The following RERG variants were observed in gnomAD, a reference collection of about 807,000 sequenced individuals.
The protein encoded by RERG is ras-related and estrogen-regulated growth inhibitor.
Under a neutral mutation model 23.2 loss-of-function variants are expected in RERG, and 25 were observed. The observed-to-expected ratio is 1.08, with a 90% confidence interval of 0.79 to 1.50. The LOEUF is 1.50. Among genes scored for constraint, RERG ranks in the 40% most tolerant of loss-of-function variants. The pLI, the probability that RERG is intolerant of heterozygous loss-of-function variation, is 0.00. For synonymous variants in RERG, 81 were observed against 89.1 expected, an observed-to-expected ratio of 0.91 and a Z score of 0.51; for missense variants, 253 against 250.1, an observed-to-expected ratio of 1.01 and a Z score of -0.08.
At chr12:15,111,215 GTTAA>G (rs1394989862) in intron 4 of RERG, 125 bp downstream of exon 4, 5 of 639,390 alleles carry the variant, frequency 7.8e-6, no homozygotes, top group Non-Finnish European at 1.4e-5. Flanking sequence ...AAAATGGCTA[GTTAA>G]TTAGAGAAAA....
At chr12:15,120,847 C>T (rs1470579766) in intron 3 of RERG, among the ~76,000 whole-genome samples, 1 of 152,070 alleles carries the variant, frequency 6.6e-6, no homozygotes, top group Non-Finnish European at 1.5e-5. Flanking sequence ...GAGGCTTGAC[C>T]TAATTTCTTC....
chr12:15,186,986 A>G (rs1865001706), intron 2 of RERG, among the ~76,000 whole-genome samples: 2 of 152,192 alleles, frequency 1.3e-5, no homozygotes, highest in Non-Finnish European at 2.9e-5. Context: ...TTAGAAAAAA[A>G]TTAACATGGG....
intron 2 of RERG, among the ~76,000 whole-genome samples, chr12:15,136,897 T>C (rs1864152698): frequency 6.6e-6 from 1 of 151,996 alleles, no homozygotes. Context: ...AAGTAGCCTA[T>C]AGATGTCAGT....
In RERG at chr12:15,146,129, G is replaced by C. The variant is rs192535037; in HGVS notation, c.62-25010C>G. Among the ~76,000 whole-genome samples, 117 of 152,198 alleles carry C rather than the reference G, an allele frequency of 7.7e-4. 1 individual carries two copies. The highest frequency in any genetic ancestry group is 9.7e-4 in the East Asian group (5 of 5,168). Reference sequence around the variant, plus strand: ...TAACGCTTTTTGAGTCTTAACACTTGATAAAATGAAATGCCTTACAAGACT... The same window carrying C: ...TAACGCTTTTTGAGTCTTAACACTTCATAAAATGAAATGCCTTACAAGACT... On this transcript the variant is annotated intron_variant, in intron 2 of 4. Transcript: ENST00000256953.
At chr12:15,202,373 T>C (rs964659335) in intron 2 of RERG, among the ~76,000 whole-genome samples, 2 of 151,788 alleles carry the variant, frequency 1.3e-5, no homozygotes, top group Admixed American at 6.6e-5. Context: ...TAAAGGCACT[T>C]TGTTGTAAAG....
At chr12:15,167,103 C>A (rs1323116017) in intron 2 of RERG, among the ~76,000 whole-genome samples, 1 of 152,092 alleles carries the variant, frequency 6.6e-6, no homozygotes, top group Non-Finnish European at 1.5e-5. Flanking sequence ...ATTTTCTTAC[C>A]AAGTATAGGG....
chr12:15,168,482 A>T (rs1864728626), intron 2 of RERG, among the ~76,000 whole-genome samples: 1 of 152,222 alleles, frequency 6.6e-6, no homozygotes, highest in African/African-American at 2.4e-5. Context: ...TGATGATCAA[A>T]ATCAAAATGA....
chr12:15,194,298 T>C (rs1158820021), intron 2 of RERG, among the ~76,000 whole-genome samples: 1 of 152,104 alleles, frequency 6.6e-6, no homozygotes, highest in Non-Finnish European at 1.5e-5. Flanking sequence ...GCAAGACATA[T>C]TTAAGTATAA....
intron 2 of RERG, among the ~76,000 whole-genome samples, chr12:15,199,682 C>A (rs1262072469): frequency 6.6e-6 from 1 of 152,082 alleles, no homozygotes; most frequent in African/African-American, 2.4e-5. Flanking sequence ...TACAGACACA[C>A]ACACACACTC....
intron 3 of RERG, among the ~76,000 whole-genome samples, chr12:15,115,400 C>A (rs931846948): frequency 1.3e-5 from 2 of 151,992 alleles, no homozygotes; most frequent in African/African-American, 4.8e-5. Context: ...GGAGTTCAGG[C>A]TTGTAAATAC....
At chr12:15,155,695 T>C (rs900978449) in intron 2 of RERG, among the ~76,000 whole-genome samples, 2 of 152,118 alleles carry the variant, frequency 1.3e-5, no homozygotes, top group African/African-American at 4.8e-5. Flanking sequence ...ACAGCCTTTC[T>C]CTACTCCTGG....
intron 2 of RERG, among the ~76,000 whole-genome samples, chr12:15,195,578 T>C (rs938963111): frequency 1.6e-5 from 2 of 128,572 alleles, no homozygotes; most frequent in Admixed American, 7.9e-5. Context: ...TGTGTGTGTG[T>C]GTGTGTGTGT....
At chr12:15,122,879 A>G (rs557569802) in intron 2 of RERG, among the ~76,000 whole-genome samples, 32 of 150,712 alleles carry the variant, frequency 2.1e-4, no homozygotes, top group Admixed American at 2.0e-3. Context: ...GCTCACTGCA[A>G]TCTCCACCTT....
intron 2 of RERG, among the ~76,000 whole-genome samples, chr12:15,150,609 C>A (rs1345034779): frequency 6.6e-6 from 1 of 152,076 alleles, no homozygotes; most frequent in Non-Finnish European, 1.5e-5. Context: ...CTCCAAAAAA[C>A]CTTGTGTGGC....
chr12:15,163,105 T>C (rs1864637289), intron 2 of RERG, among the ~76,000 whole-genome samples: 2 of 152,148 alleles, frequency 1.3e-5, no homozygotes, highest in African/African-American at 4.8e-5. Context: ...TCACAAAATG[T>C]AGGTGGAGAC....
At chr12:15,170,600 T>A (rs767334999) in intron 2 of RERG, among the ~76,000 whole-genome samples, 7 of 152,166 alleles carry the variant, frequency 4.6e-5, no homozygotes, top group Non-Finnish European at 1.0e-4. Context: ...TCTGTTTACC[T>A]TTTGGATCCA....
intron 2 of RERG, among the ~76,000 whole-genome samples, chr12:15,148,891 CAG>C (rs1864386940): frequency 3.0e-5 from 2 of 65,596 alleles, no homozygotes; most frequent in South Asian, 1.1e-3. Flanking sequence ...TTTTTTTAGA[CAG>C]AGTCTAGCTC....
intron 2 of RERG, among the ~76,000 whole-genome samples, chr12:15,128,562 G>C (rs2136093839): frequency 6.6e-6 from 1 of 152,306 alleles, no homozygotes; most frequent in Non-Finnish European, 1.5e-5. Context: ...ATTTTGAATA[G>C]TATCCAATTG....
intron 2 of RERG, among the ~76,000 whole-genome samples, chr12:15,200,938 A>G (rs1457728398): frequency 6.6e-6 from 1 of 151,824 alleles, no homozygotes; most frequent in East Asian, 1.9e-4. Flanking sequence ...CTTCCTTTAC[A>G]ATTTCCATCC....
Sources: gnomAD v4.1 joint callset for allele counts (sites outside exome capture counted in the v4.1 genomes callset) on GRCh38, gnomAD v4.1.1 for gene constraint, MANE v1.5 for transcripts, NCBI Gene and HGNC (gene_info 2026-07-23, HGNC 2026-07-21) for gene names.